BPIFB4: variants seen among roughly 807,000 people sequenced by gnomAD.
BPIFB4 encodes BPI fold-containing family B member 4.
Under a neutral mutation model 69.2 loss-of-function variants are expected in BPIFB4, and 62 were observed. The ratio of observed to expected loss-of-function variants is 0.90; its 90% confidence interval spans 0.73 to 1.11. The LOEUF (loss-of-function observed/expected upper bound fraction) is 1.11. Among genes scored for constraint, BPIFB4 ranks in the 50% least tolerant of loss-of-function variants. The pLI is 0.00. For synonymous variants in BPIFB4, 330 were observed against 332.7 expected, an observed-to-expected ratio of 0.99 and a Z score of 0.09; for missense variants, 789 against 792.0, an observed-to-expected ratio of 1.00 and a Z score of 0.04.
At position 33,104,801 on chromosome 20, in the gene BPIFB4, C is replaced by G. The variant is rs887181178; in HGVS notation, c.1681-9C>G. 5.0e-6 allele frequency: 8 copies of G among 1,613,848 alleles called. No individual in the cohort carries two copies. The highest frequency in any genetic ancestry group is 5.9e-6 in the Non-Finnish European group (7 of 1,179,882). On this transcript the variant is annotated splice_polypyrimidine_tract_variant and intron_variant, in intron 15 of 17. Transcript: ENST00000375483. ...CTGCCCAGGCTCTGTCCTCCTTCTT[C>G]CTCTGCAGATTGGCCTCATGGAGGT...
chr20:33,100,380 C>A, intron 13 of BPIFB4, 46 bp from the exon 14 acceptor site: 1 of 1,502,290 alleles, frequency 6.7e-7, no homozygotes, highest in Non-Finnish European at 9.2e-7. Flanking sequence ...AAGCACTGGC[C>A]AAGACATGAA....
Position 33,092,506 on chromosome 20 carries a change from T to C in BPIFB4, c.1192T>C (p.Trp398Arg). The C allele has an allele frequency of 6.2e-7, 1 of 1,614,028 alleles. No individual in the cohort carries two copies. ...AGGACTCATCGACTACCCATTGGGG[T>C]GGCCAGCTGTGTCTCCCAAGCCGAT... is the stretch of plus-strand genomic sequence containing the variant. ...GGGLIDYPLGWPAVSPKPMPE... is the reference protein window; with the variant it reads ...GGGLIDYPLGRPAVSPKPMPE... The change falls in exon 11 of 18, where the codon TGG becomes CGG. Residue 398 changes from tryptophan (W) to arginine (R), a missense_variant. By Grantham distance (101) the Trp-to-Arg change is moderately radical (BLOSUM62 -3). This residue lies in a region of BPIFB4 where 611 missense variants were observed against 575.4 expected (regional missense o/e 1.06). Transcript: ENST00000375483.
chr20:33,095,969 T>C, intron 12 of BPIFB4, among the ~76,000 whole-genome samples: 1 of 152,166 alleles, frequency 6.6e-6, no homozygotes, highest in East Asian at 1.9e-4. Context: ...ACCTAGTAAG[T>C]GTTATGCAGG....
chr20:33,093,399 C>T (rs1458048788), intron 11 of BPIFB4, among the ~76,000 whole-genome samples: 1 of 151,848 alleles, frequency 6.6e-6, no homozygotes, highest in African/African-American at 2.4e-5. Context: ...ATCCACCCAC[C>T]CACCCATCCA....
Position 33,081,652 on chromosome 20 carries a change from G to T in BPIFB4, c.106+20G>T, listed in dbSNP as rs1294905762. 1 of 1,551,198 alleles carries T rather than the reference G, an allele frequency of 6.4e-7. No individual in the cohort carries two copies. Among genetic ancestry groups the T allele is most frequent in the Non-Finnish European group, 8.7e-7 (1 of 1,146,802 alleles). On this transcript the variant is annotated intron_variant, in intron 3 of 17. Transcript: ENST00000375483. ...GCAATGGTGAGTCCAGCCCCAAAGG[G>T]GTGAGGGTTGGCATGGGGTGAGCAG...
Position 33,083,864 on chromosome 20 carries a change from G to A in BPIFB4, c.667G>A (p.Gly223Ser), listed in dbSNP as rs201398956. The change falls in exon 5 of 18, where the codon GGC becomes AGC. Residue 223 changes from glycine (G) to serine (S), a missense_variant. Gly to Ser is a moderately conservative substitution (Grantham distance 56, BLOSUM62 0). Around this residue, in one of 3 missense-constraint regions of BPIFB4, gnomAD observed 611 missense variants for 575.4 expected, o/e 1.06. Transcript: ENST00000375483. ...GGGTGGCATCCTCAGCACTGTGCAA[G>A]GCATCACGGGGTAAGGAGGGGACGG... is the stretch of plus-strand genomic sequence containing the variant. ...GEGGILSTVQGITGLRIVELT... is the reference protein window; with the variant it reads ...GEGGILSTVQSITGLRIVELT... The A allele has an allele frequency of 6.2e-7, 1 of 1,606,262 alleles. No individual in the cohort carries two copies. The highest frequency in any genetic ancestry group is 8.5e-7 in the Non-Finnish European group (1 of 1,175,178).
At chr20:33,084,007 G>A in intron 5 of BPIFB4, 133 bp downstream of exon 5, 1 of 1,152,078 alleles carries the variant, frequency 8.7e-7, no homozygotes, top group South Asian at 1.7e-5. Context: ...CCTCAGGATT[G>A]GAAGTTTTAA....
At chr20:33,109,910 A>G (rs891800462) in intron 17 of BPIFB4, among the ~76,000 whole-genome samples, 2 of 152,172 alleles carry the variant, frequency 1.3e-5, no homozygotes, top group African/African-American at 2.4e-5. Context: ...TTATTATTAT[A>G]TAGGTCTAGC....
chr20:33,087,753 C>CACACACACACACACACACACACACA (rs56030970), intron 7 of BPIFB4, among the ~76,000 whole-genome samples: 1 of 140,750 alleles, frequency 7.1e-6, no homozygotes, highest in Non-Finnish European at 1.5e-5. Flanking sequence ...CACACACACA[C>CACACACACACACACACACACACACA]AAGCATGCAT....
At chr20:33,085,963 T>G in intron 6 of BPIFB4, 58 bp from the exon 7 acceptor site, 1 of 1,555,188 alleles carries the variant, frequency 6.4e-7, no homozygotes, top group Non-Finnish European at 8.8e-7. Context: ...TGGGTAAGGG[T>G]GAGCTCCTGG....
chr20:33,083,636 C>T lies in BPIFB4; in HGVS notation c.439C>T (p.Leu147Phe). Residue 147 changes from leucine to phenylalanine, a missense_variant, in exon 5 of 18, where the codon CTT (leucine) becomes TTT (phenylalanine). By Grantham distance (22) the Leu-to-Phe change is conservative. Around this residue, in one of 3 missense-constraint regions of BPIFB4, gnomAD observed 611 missense variants for 575.4 expected, o/e 1.06. Transcript: ENST00000375483. ...ATACAGGGCAGCACCTGTGGGCAGG[C>T]TTCACCGGCGAGAGCTGCAGCCTGG... ...GRYRAAPVGR[L>F]HRRELQPGEI... is the part of the protein sequence containing the mutation. 6.2e-7 allele frequency: 1 copy of T among 1,614,068 alleles called. No individual in the cohort carries two copies. The highest frequency in any genetic ancestry group is 8.5e-7 in the Non-Finnish European group (1 of 1,180,008).
In BPIFB4 at chr20:33,107,280, A is replaced by AGG. The variant is rs747654506; in HGVS notation, c.1745-463_1745-462insGG. Reference sequence around the variant, plus strand: ...AAGAAGAGAAAAGAGAAAAGGGAAAAGAAAAGAAAAAGAAAAAGAAATTGC... The same window carrying AGG: ...AAGAAGAGAAAAGAGAAAAGGGAAAAGGGAAAAGAAAAAGAAAAAGAAATTGC... On this transcript the variant is annotated intron_variant, in intron 16 of 17. Transcript: ENST00000375483. 4.6e-4 allele frequency among the ~76,000 whole-genome samples: 66 copies of AGG among 142,930 alleles called. 1 individual carries two copies. The South Asian group carries it at 0.014, about 30-fold the overall frequency. 93.8% of individuals were successfully genotyped at this position (142,930 alleles called of 152,430 possible). A position where few individuals can be genotyped will look rare whatever the true frequency, so the allele number is the denominator to read the frequency against.
intron 3 of BPIFB4, among the ~76,000 whole-genome samples, chr20:33,082,088 C>A (rs138673501): frequency 8.4e-4 from 128 of 152,264 alleles, no homozygotes; most frequent in African/African-American, 2.9e-3. Flanking sequence ...AAAGTGGGAG[C>A]TATAATTATT....
At chr20:33,089,690 A>G in intron 9 of BPIFB4, 132 bp downstream of exon 9, 3 of 1,483,434 alleles carry the variant, frequency 2.0e-6, no homozygotes, top group Non-Finnish European at 2.7e-6. Flanking sequence ...CTAATGCCAC[A>G]AGGGAGGTGC....
chr20:33,099,497 C>T, intron 13 of BPIFB4, among the ~76,000 whole-genome samples: 1 of 152,182 alleles, frequency 6.6e-6, no homozygotes, highest in Non-Finnish European at 1.5e-5. Flanking sequence ...CCTGACTCCT[C>T]CCCAGCGCAC....
intron 12 of BPIFB4, among the ~76,000 whole-genome samples, chr20:33,097,316 C>A (rs557333703): frequency 6.6e-5 from 10 of 152,194 alleles, no homozygotes; most frequent in Admixed American, 1.3e-4. Flanking sequence ...AGCACCTGGC[C>A]AGCATCTCTG....
At chr20:33,103,213 G>A (rs901386652) in intron 15 of BPIFB4, among the ~76,000 whole-genome samples, 199 bp downstream of exon 15, 2 of 152,188 alleles carry the variant, frequency 1.3e-5, no homozygotes, top group East Asian at 3.8e-4. Flanking sequence ...GTGAGGGGCA[G>A]AGGACAGACT....
intron 15 of BPIFB4, among the ~76,000 whole-genome samples, chr20:33,104,464 C>T (rs1425666524): frequency 6.6e-6 from 1 of 152,180 alleles, no homozygotes; most frequent in Non-Finnish European, 1.5e-5. Context: ...ATTGGGACTT[C>T]TGTGATGCCA....
chr20:33,092,576 C>T lies in BPIFB4; in HGVS notation c.1262C>T (p.Ala421Val), dbSNP rs753678971. 16 of 1,614,028 alleles carry T rather than the reference C, an allele frequency of 9.9e-6. No individual in the cohort carries two copies. In the South Asian group the frequency reaches 1.6e-4, roughly 17 times the overall value. ...PMGDNTKSQL[A>V]MSANFLGSVL... ...GGTGACAACACCAAGTCCCAGCTGG[C>T]CATGTCTGCCAACTTCCTGGGCTCA... is the stretch of plus-strand genomic sequence containing the variant. The change falls in exon 11 of 18, where the codon GCC becomes GTC. Residue 421 changes from alanine to valine, a missense_variant. Physicochemically the swap from Ala to Val is moderately conservative, Grantham distance 64. Around this residue, in one of 3 missense-constraint regions of BPIFB4, gnomAD observed 611 missense variants for 575.4 expected, o/e 1.06. Transcript: ENST00000375483.
Sources: gnomAD v4.1 joint callset for allele counts (sites outside exome capture counted in the v4.1 genomes callset) on GRCh38, gnomAD v4.1.1 for gene constraint, gnomAD v4.1.1 regional missense constraint, MANE v1.5 for transcripts, NCBI Gene and HGNC (gene_info 2026-07-23, HGNC 2026-07-21) for gene names.